The following C17orf99 variants were observed in gnomAD, a reference collection of about 807,000 sequenced individuals.
C17orf99 encodes protein IL-40.
Under a neutral mutation model 22.6 loss-of-function variants are expected in C17orf99, and 18 were observed. That is an observed-to-expected ratio of 0.80 (90% CI 0.55 to 1.18). The LOEUF is 1.18. C17orf99 is among the 50% of genes most tolerant of loss of function. The probability of loss-of-function intolerance (pLI) is 0.00; values close to 1 mark genes in which losing one functional copy is unlikely to be tolerated. For missense variants in C17orf99, 328 were observed against 342.7 expected (o/e 0.96, Z 0.34); for synonymous variants, 147 against 136.6 (o/e 1.08, Z -0.53).
intron 3 of C17orf99, among the ~76,000 whole-genome samples, chr17:78,162,878 C>G (rs1270869018): frequency 6.6e-6 from 1 of 152,194 alleles, no homozygotes; most frequent in Non-Finnish European, 1.5e-5. Flanking sequence ...CTCCGCCTCC[C>G]AGATTCAAGC....
At chr17:78,149,015 G>A (rs2075457108) in intron 2 of C17orf99, among the ~76,000 whole-genome samples, 1 of 151,990 alleles carries the variant, frequency 6.6e-6, no homozygotes, top group Non-Finnish European at 1.5e-5. Flanking sequence ...GCATGGGATG[G>A]GATGGGATGA....
rs368790704 is a variant in C17orf99 at position 78,149,876 on chromosome 17, A to AT, written c.70+2971dup. 2.7e-3 allele frequency among the ~76,000 whole-genome samples: 408 copies of AT among 151,790 alleles called. 2 individuals carry two copies. The South Asian group carries it at 0.03, about 11-fold the overall frequency. On this transcript the variant is annotated intron_variant, in intron 2 of 4. Transcript: ENST00000340363. ...AGGCACATGCCACCACGCCCAGCTA[A>AT]TTTTTTGTACTTTTACTAGAGATGG... is the stretch of plus-strand genomic sequence containing the variant.
In C17orf99 at chr17:78,163,969, G is replaced by A. The variant is rs2075597509; in HGVS notation, c.371-126G>A. On this transcript the variant is annotated intron_variant, in intron 3 of 4. Transcript: ENST00000340363. Reference sequence around the variant, plus strand: ...CAAGGTGGAGGGCAAACTCTAGAAGGCGGCCTGGAGGAGGCGGCAGCCACA... The same window carrying A: ...CAAGGTGGAGGGCAAACTCTAGAAGACGGCCTGGAGGAGGCGGCAGCCACA... The A allele has an allele frequency of 6.3e-6, 5 of 792,926 alleles. No homozygotes were observed. In the Admixed American group the frequency reaches 9.1e-5, roughly 14 times the overall value. The allele number at this position is 792,926 out of a possible 1,614,324, so 49.1% of individuals were successfully genotyped here.
At chr17:78,152,394 G>T (rs1332460738) in intron 2 of C17orf99, among the ~76,000 whole-genome samples, 1 of 151,172 alleles carries the variant, frequency 6.6e-6, no homozygotes, top group Non-Finnish European at 1.5e-5. Flanking sequence ...GAGTGCAGTG[G>T]TGCAATCTTG....
At chr17:78,159,620 G>A (rs1007354594) in intron 2 of C17orf99, among the ~76,000 whole-genome samples, 1 of 149,908 alleles carries the variant, frequency 6.7e-6, no homozygotes, top group Admixed American at 6.7e-5. Flanking sequence ...TAATTCAGCA[G>A]CATTTAGTGC....
chr17:78,163,995 G>A, intron 3 of C17orf99, 100 bp from the exon 4 acceptor site: 1 of 1,095,652 alleles, frequency 9.1e-7, no homozygotes, highest in Non-Finnish European at 1.4e-6. Flanking sequence ...GGCAGCCACA[G>A]CTAAGCTCAT....
chr17:78,164,452 T>A (rs1193459806), intron 4 of C17orf99, 88 bp downstream of exon 4: 1 of 1,548,742 alleles, frequency 6.5e-7, no homozygotes, highest in Non-Finnish European at 8.7e-7. Flanking sequence ...CGATGGGAAG[T>A]GGGACAGCTC....
intron 3 of C17orf99, among the ~76,000 whole-genome samples, chr17:78,162,605 C>A (rs1435612655): frequency 6.6e-6 from 1 of 152,064 alleles, no homozygotes; most frequent in African/African-American, 2.4e-5. Flanking sequence ...GGGTCTTGAA[C>A]AACTCATTGG....
chr17:78,158,008 C>T, intron 2 of C17orf99: 1 of 1,359,110 alleles, frequency 7.4e-7, no homozygotes, highest in African/African-American at 1.4e-5. Flanking sequence ...AAAGGAATGA[C>T]TTCCAGCTGA....
rs374986464 is a variant in C17orf99 at position 78,166,012 on chromosome 17, G to T, written c.764G>T (p.Gly255Val). 6.1e-5 allele frequency: 89 copies of T among 1,461,302 alleles called. No homozygotes were observed. Among genetic ancestry groups the T allele is most frequent in the African/African-American group, 8.4e-5 (6 of 71,242 alleles). The allele number at this position is 1,461,302 out of a possible 1,614,324, so 90.5% of individuals were successfully genotyped here. Reference protein sequence around the residue: ...EEFGGFRIGNGEVRGRKAAAM With the variant: ...EEFGGFRIGNVEVRGRKAAAM Reference sequence around the variant, plus strand: ...TTTGGGGGGTTCAGGATAGGGAATGGGGAGGTCAGAGGACGCAAAGCAGCA... The same window carrying T: ...TTTGGGGGGTTCAGGATAGGGAATGTGGAGGTCAGAGGACGCAAAGCAGCA... Residue 255 changes from glycine to valine, a missense_variant, in exon 5 of 5, where the codon GGG becomes GTG. Coordinates refer to ENST00000340363, the MANE Select transcript of C17orf99 (RefSeq NM_001163075.2).
intron 2 of C17orf99, among the ~76,000 whole-genome samples, chr17:78,150,646 C>T (rs1454180546): frequency 1.3e-5 from 2 of 152,114 alleles, no homozygotes; most frequent in Non-Finnish European, 2.9e-5. Context: ...AGGTGTTGTC[C>T]CCCTTTGTCC....
intron 3 of C17orf99, 44 bp from the exon 4 acceptor site, chr17:78,164,051 A>G (rs1426939944): frequency 2.0e-6 from 3 of 1,513,296 alleles, no homozygotes; most frequent in Non-Finnish European, 2.7e-6. Context: ...GAGGGGTTTA[A>G]AACCGCTCAG....
intron 3 of C17orf99, among the ~76,000 whole-genome samples, chr17:78,161,585 G>A (rs1361179022): frequency 1.3e-5 from 2 of 152,050 alleles, no homozygotes; most frequent in Non-Finnish European, 2.9e-5. Flanking sequence ...TTGTCTGGGC[G>A]CAAATCCCAG....
At chr17:78,163,997 T>C in intron 3 of C17orf99, 98 bp from the exon 4 acceptor site, 3 of 1,108,532 alleles carry the variant, frequency 2.7e-6, no homozygotes, top group Non-Finnish European at 4.0e-6. Flanking sequence ...CAGCCACAGC[T>C]AAGCTCATTA....
chr17:78,163,275 G>A (rs1231618101), intron 3 of C17orf99, among the ~76,000 whole-genome samples: 3 of 152,022 alleles, frequency 2.0e-5, no homozygotes, highest in Non-Finnish European at 4.4e-5. Context: ...TCCTACTTCA[G>A]GGGACCTATT....
intron 4 of C17orf99, 71 bp downstream of exon 4, chr17:78,164,435 C>T (rs1283230552): frequency 1.9e-6 from 3 of 1,550,334 alleles, no homozygotes; most frequent in South Asian, 2.4e-5. Context: ...GTGTCCAAGA[C>T]ACAGGTCGAT....
intron 4 of C17orf99, 189 bp downstream of exon 4, chr17:78,164,553 C>A: frequency 6.5e-7 from 1 of 1,533,636 alleles, no homozygotes; most frequent in African/African-American, 1.4e-5. Context: ...CAGCTGCCTC[C>A]GCCCCCTCCC....
At position 78,146,984 on chromosome 17, in the gene C17orf99, G is replaced by A; in HGVS notation, c.70+73G>A. The A allele has an allele frequency of 7.3e-7, 1 of 1,373,864 alleles. No homozygotes were observed. The highest frequency in any genetic ancestry group is 1.8e-4 in the Middle Eastern group (1 of 5,408). 85.1% of individuals were successfully genotyped at this position (1,373,864 alleles called of 1,614,324 possible). ...TGGTGTCAGAACCCCCATGGTGGAGGGCGCCTCGGCTGGGAAGGGAGTTAC... is the reference window on the plus strand; with the variant it reads ...TGGTGTCAGAACCCCCATGGTGGAGAGCGCCTCGGCTGGGAAGGGAGTTAC... On this transcript the variant is annotated intron_variant, in intron 2 of 4. Coordinates refer to ENST00000340363, the MANE Select transcript of C17orf99 (RefSeq NM_001163075.2). This position sits in a 1 kb window ranked among gnomAD's most constrained non-coding sequence, Gnocchi z 5.2.
intron 2 of C17orf99, among the ~76,000 whole-genome samples, chr17:78,155,339 T>C (rs2075517355): frequency 6.6e-6 from 1 of 152,126 alleles, no homozygotes; most frequent in African/African-American, 2.4e-5. Flanking sequence ...AGTTTCCTCA[T>C]TGCAGGGTGG....
Sources: allele counts gnomAD v4.1 joint callset (sites outside exome capture counted in the v4.1 genomes callset), GRCh38; gene constraint gnomAD v4.1.1; non-coding constraint Gnocchi (gnomAD v3.1); transcripts MANE v1.5; gene names NCBI Gene and HGNC (gene_info 2026-07-23, HGNC 2026-07-21).